The following LGALS3BP variants were observed in gnomAD, a reference collection of about 807,000 sequenced individuals.
The protein encoded by LGALS3BP is galectin-3-binding protein.
A neutral mutation model predicts 22.9 loss-of-function variants in LGALS3BP; 25 were observed. That is an observed-to-expected ratio of 1.09 (90% CI 0.80 to 1.53). The LOEUF (loss-of-function observed/expected upper bound fraction) is 1.53, where lower values mean the gene tolerates loss of function less well. LGALS3BP is among the 40% of genes most tolerant of loss of function. The probability of loss-of-function intolerance (pLI) is 0.00; values close to 1 mark genes in which losing one functional copy is unlikely to be tolerated. For synonymous variants in LGALS3BP, 335 were observed against 331.1 expected (o/e 1.01, Z -0.13); for missense variants, 718 against 752.0 (o/e 0.95, Z 0.53).
chr17:78,971,441 C>G lies in LGALS3BP; in HGVS notation c.*135G>C. ...CTTCCAGTAATTTCTTGAAGCTGAG[C>G]GCTCAGGTGAGTAGGGCGACATCTG... On this transcript the variant is annotated 3_prime_UTR_variant, in exon 6 of 6. Coordinates refer to ENST00000262776, the MANE Select transcript of LGALS3BP (RefSeq NM_005567.4). This position sits in a 1 kb window ranked among gnomAD's most constrained non-coding sequence, Gnocchi z 5.6. 6.6e-6 allele frequency: 5 copies of G among 759,850 alleles called. No individual in the cohort carries two copies. In the South Asian group the frequency reaches 9.5e-5, roughly 14 times the overall value. 47.1% of individuals were successfully genotyped at this position (759,850 alleles called of 1,614,324 possible).
At chr17:78,975,791 C>CAAAAAA (rs60470107) in intron 3 of LGALS3BP, among the ~76,000 whole-genome samples, 174 bp downstream of exon 3, 6 of 52,248 alleles carry the variant, frequency 1.1e-4, no homozygotes, top group South Asian at 1.1e-3. Flanking sequence ...GACTCCATCT[C>CAAAAAA]AAAAAAAAAA....
rs1288110430 is a variant in LGALS3BP, at chr17:78,972,268, G to T, written c.1066C>A (p.Leu356Ile). ...IRFPMMLPEE[L>I]FELQFNLSLY... ...GACAGGTTGAACTGCAGCTCAAAGA[G>T]CTCCTCAGGGAGCATCATGGGGAAG... Residue 356 changes from leucine (L) to isoleucine (I), a missense_variant, in exon 6 of 6, where the codon CTC (leucine) becomes ATC (isoleucine). Leu to Ile is a conservative substitution (Grantham distance 5). Coordinates refer to ENST00000262776, the MANE Select transcript of LGALS3BP (RefSeq NM_005567.4). The surrounding 1 kb of genome is among the most constrained non-coding windows in gnomAD (Gnocchi z 5.1). 1 of 1,613,584 alleles carries T rather than the reference G, an allele frequency of 6.2e-7. No homozygotes were observed. Among genetic ancestry groups the T allele is most frequent in the Non-Finnish European group, 8.5e-7 (1 of 1,179,888 alleles).
rs2070667261 is a variant in LGALS3BP, at chr17:78,971,291, G to C, written c.*285C>G. On this transcript the variant is annotated 3_prime_UTR_variant, in exon 6 of 6. Coordinates refer to ENST00000262776, the MANE Select transcript of LGALS3BP (RefSeq NM_005567.4). The surrounding 1 kb of genome is among the most constrained non-coding windows in gnomAD (Gnocchi z 5.6). ...ATGTAATTTTAATGACCTCAGACCA[G>C]TGACAAGGGCAGACTGACCAGGGGC... is the stretch of plus-strand genomic sequence containing the variant. 2.1e-6 allele frequency: 1 copy of C among 480,098 alleles called. No individual in the cohort carries two copies. The highest frequency in any genetic ancestry group is 1.9e-5 in the African/African-American group (1 of 51,908). 29.7% of individuals were successfully genotyped at this position (480,098 alleles called of 1,614,324 possible).
chr17:78,976,135 C>G lies in LGALS3BP; in HGVS notation c.74G>C (p.Arg25Pro). The change falls in exon 3 of 6, where the codon CGG (arginine) becomes CCG (proline). Residue 25 changes from arginine (R) to proline (P), a missense_variant. Arg to Pro is a moderately radical substitution (Grantham distance 103). Transcript: ENST00000262776. This position sits in a 1 kb window ranked among gnomAD's most constrained non-coding sequence, Gnocchi z 4.6. ...GTTGGTGGCGCCCCCATCGGCCAGC[C>G]GCATGTCACCATCGTTCACGCCTGC... is the stretch of plus-strand genomic sequence containing the variant. ...GTQGVNDGDMRLADGGATNQG... is the reference protein window; with the variant it reads ...GTQGVNDGDMPLADGGATNQG... 6.3e-7 allele frequency: 1 copy of G among 1,587,778 alleles called. No individual in the cohort carries two copies. The highest frequency in any genetic ancestry group is 2.3e-5 in the East Asian group (1 of 43,316).
chr17:78,978,338 C>T (rs997050412), intron 1 of LGALS3BP, among the ~76,000 whole-genome samples: 8 of 152,344 alleles, frequency 5.3e-5, no homozygotes, highest in African/African-American at 1.4e-4. Context: ...CTCTGGGACT[C>T]GTGCTCGCTG....
rs928909488 is a variant in LGALS3BP at position 78,973,696 on chromosome 17, G to C, written c.377-474C>G. ...CCTGTCGGGGAGAAGGCCTGCAGAA[G>C]TCATGGGAGGCTCCCGGCTCGGGGG... On this transcript the variant is annotated intron_variant, in intron 4 of 5. Coordinates refer to ENST00000262776, the MANE Select transcript of LGALS3BP (RefSeq NM_005567.4). The surrounding 1 kb of genome is among the most constrained non-coding windows in gnomAD (Gnocchi z 5.8). Among the ~76,000 whole-genome samples, 2 of 152,238 alleles carry C rather than the reference G, an allele frequency of 1.3e-5. No individual in the cohort carries two copies. The highest frequency in any genetic ancestry group is 4.8e-5 in the African/African-American group (2 of 41,464).
chr17:78,974,627 C>A, intron 4 of LGALS3BP, 61 bp downstream of exon 4: 17 of 1,564,638 alleles, frequency 1.1e-5, no homozygotes, highest in Non-Finnish European at 1.5e-5. Context: ...CTGGGAGGGG[C>A]AGGGGCCACG....
In LGALS3BP at chr17:78,976,131, C is replaced by T. The variant is rs1426039671; in HGVS notation, c.78G>A (p.Leu26=). 1.3e-6 allele frequency: 2 copies of T among 1,590,006 alleles called. No individual in the cohort carries two copies. The highest frequency in any genetic ancestry group is 3.5e-5 in the Admixed American group (2 of 56,736). ...CCTGGTTGGTGGCGCCCCCATCGGC[C>T]AGCCGCATGTCACCATCGTTCACGC... ...TQGVNDGDMR[L]ADGGATNQGR... Residue 26 remains leucine (L), a synonymous_variant, in exon 3 of 6, where the codon CTG becomes CTA. Transcript: ENST00000262776. The surrounding 1 kb of genome is among the most constrained non-coding windows in gnomAD (Gnocchi z 4.6).
Position 78,972,334 on chromosome 17 carries a change from C to T in LGALS3BP, c.1000G>A (p.Ala334Thr), listed in dbSNP as rs778757224. The T allele has an allele frequency of 2.5e-6, 4 of 1,613,370 alleles. No individual in the cohort carries two copies. Among genetic ancestry groups the T allele is most frequent in the African/African-American group, 2.7e-5 (2 of 74,934 alleles). ...AVDTWSWGER[A>T]SHEEVEGLVE... Reference sequence around the variant, plus strand: ...AAGCCCTCCACCTCCTCATGGGAGGCACGCTCCCCCCAGCTCCAGGTGTCC... The same window carrying T: ...AAGCCCTCCACCTCCTCATGGGAGGTACGCTCCCCCCAGCTCCAGGTGTCC... The change falls in exon 6 of 6, where the codon GCC becomes ACC. Residue 334 changes from alanine to threonine, a missense_variant. By Grantham distance (58) the Ala-to-Thr change is moderately conservative. Coordinates refer to ENST00000262776, the MANE Select transcript of LGALS3BP (RefSeq NM_005567.4). This position sits in a 1 kb window ranked among gnomAD's most constrained non-coding sequence, Gnocchi z 5.1.
At chr17:78,975,888 C>T in intron 3 of LGALS3BP, 77 bp downstream of exon 3, 1 of 917,558 alleles carries the variant, frequency 1.1e-6, no homozygotes, top group Non-Finnish European at 1.5e-6. Context: ...ACTGTTTCGT[C>T]TTAGGGGATT....
Position 78,971,796 on chromosome 17 carries a change from T to C in LGALS3BP, c.1538A>G (p.Asp513Gly). The C allele has an allele frequency of 1.2e-6, 2 of 1,614,068 alleles. No individual in the cohort carries two copies. The highest frequency in any genetic ancestry group is 1.7e-6 in the Non-Finnish European group (2 of 1,180,030). ...VLGLTKSGGS[D>G]RTIAYENKAL... ...TTTGTTTTCGTAGGCAATGGTGCGA[T>C]CTGAGCCGCCAGACTTGGTGAGGCC... The change falls in exon 6 of 6, where the codon GAT becomes GGT. Residue 513 changes from aspartate (D) to glycine (G), a missense_variant. Transcript: ENST00000262776. This position sits in a 1 kb window ranked among gnomAD's most constrained non-coding sequence, Gnocchi z 5.6.
chr17:78,972,778 C>T lies in LGALS3BP; in HGVS notation c.630-74G>A, dbSNP rs1323201463. The T allele has an allele frequency of 4.7e-6, 7 of 1,491,790 alleles. No individual in the cohort carries two copies. In the Admixed American group the frequency reaches 1.2e-4, roughly 25 times the overall value. The allele number at this position is 1,491,790 out of a possible 1,614,324, so 92.4% of individuals were successfully genotyped here. The stretch of plus-strand genomic sequence containing the variant: ...GAGCCCTGGGCCCAACTGTCCAACA[C>T]AGCCACCTGAGTGCACACAGTGTGG... On this transcript the variant is annotated intron_variant, in intron 5 of 5. Transcript: ENST00000262776. This position sits in a 1 kb window ranked among gnomAD's most constrained non-coding sequence, Gnocchi z 5.1.
At position 78,972,739 on chromosome 17, in the gene LGALS3BP, A is replaced by C. The variant is rs1360731933; in HGVS notation, c.630-35T>G. Reference sequence around the variant, plus strand: ...AAGAAGGAGAGCAGATGCCGGCCCCACAGGACAGCAGGGGAGCCCTGGGCC... The same window carrying C: ...AAGAAGGAGAGCAGATGCCGGCCCCCCAGGACAGCAGGGGAGCCCTGGGCC... On this transcript the variant is annotated intron_variant, in intron 5 of 5. Transcript: ENST00000262776. This position sits in a 1 kb window ranked among gnomAD's most constrained non-coding sequence, Gnocchi z 5.1. The C allele has an allele frequency of 6.6e-7, 1 of 1,513,294 alleles. No homozygotes were observed. The highest frequency in any genetic ancestry group is 8.8e-7 in the Non-Finnish European group (1 of 1,132,084). The allele number at this position is 1,513,294 out of a possible 1,614,324, so 93.7% of individuals were successfully genotyped here. A position where few individuals can be genotyped will look rare whatever the true frequency, so the allele number is the denominator to read the frequency against.
rs1822195749 is a variant in LGALS3BP, at chr17:78,971,315, G to A, written c.*261C>T. On this transcript the variant is annotated 3_prime_UTR_variant, in exon 6 of 6. Transcript: ENST00000262776. This position sits in a 1 kb window ranked among gnomAD's most constrained non-coding sequence, Gnocchi z 5.6. ...AGTGACAAGGGCAGACTGACCAGGG[G>A]CTGTGGGGGGATCCCAGAGCAACCT... 5 of 535,838 alleles carry A rather than the reference G, an allele frequency of 9.3e-6. No individual in the cohort carries two copies. In the East Asian group the frequency reaches 9.4e-5, roughly 10 times the overall value. 33.2% of individuals were successfully genotyped at this position (535,838 alleles called of 1,614,324 possible). A position where few individuals can be genotyped will look rare whatever the true frequency, so the allele number is the denominator to read the frequency against.
At chr17:78,975,602 C>T (rs1327342787) in intron 3 of LGALS3BP, among the ~76,000 whole-genome samples, 1 of 151,834 alleles carries the variant, frequency 6.6e-6, no homozygotes, top group Non-Finnish European at 1.5e-5. Context: ...ACCAGCCTGG[C>T]CAACATGGTG....
At chr17:78,979,054 ACT>A (rs1358287746) in intron 1 of LGALS3BP, among the ~76,000 whole-genome samples, 10 of 96,460 alleles carry the variant, frequency 1.0e-4, no homozygotes, top group Non-Finnish European at 2.1e-4. Context: ...ACAGAGCAAG[ACT>A]CTGTCTCAAA....
chr17:78,972,706 T>C lies in LGALS3BP; in HGVS notation c.630-2A>G. The C allele has an allele frequency of 6.6e-7, 1 of 1,515,808 alleles. No homozygotes were observed. The highest frequency in any genetic ancestry group is 8.8e-7 in the Non-Finnish European group (1 of 1,132,600). The allele number at this position is 1,515,808 out of a possible 1,614,324, so 93.9% of individuals were successfully genotyped here. A position where few individuals can be genotyped will look rare whatever the true frequency, so the allele number is the denominator to read the frequency against. ...TCAATCCTTCGGGAGTAGAAGTACC[T>C]GGGGAGAAAGAAGGAGAGCAGATGC... On this transcript the variant is annotated splice_acceptor_variant, in intron 5 of 5. Coordinates refer to ENST00000262776, the MANE Select transcript of LGALS3BP (RefSeq NM_005567.4). LOFTEE classifies it high-confidence loss of function. The surrounding 1 kb of genome is among the most constrained non-coding windows in gnomAD (Gnocchi z 5.1).
rs1336249079 is a variant in LGALS3BP, at chr17:78,976,098, C to T, written c.111G>A (p.Val37=). Residue 37 remains valine, a synonymous_variant, in exon 3 of 6, where the codon GTG becomes GTA. Transcript: ENST00000262776. The surrounding 1 kb of genome is among the most constrained non-coding windows in gnomAD (Gnocchi z 4.6). The part of the protein sequence containing the change: ...ADGGATNQGR[V]EIFYRGQWGT... ...CCCACTGGCCTCTGTAGAAGATCTC[C>T]ACGCGGCCCTGGTTGGTGGCGCCCC... 1 of 1,605,638 alleles carries T rather than the reference C, an allele frequency of 6.2e-7. No homozygotes were observed. The highest frequency in any genetic ancestry group is 1.1e-5 in the South Asian group (1 of 89,556).
Position 78,976,489 on chromosome 17 carries a change from G to A in LGALS3BP, c.53-333C>T, listed in dbSNP as rs539163430. Among the ~76,000 whole-genome samples, 60 of 152,308 alleles carry A rather than the reference G, an allele frequency of 3.9e-4. No homozygotes were observed. The South Asian group carries it at 0.012, about 29-fold the overall frequency. ...CCTGAGGGAAGGATAGGAGGGGAACGGAGGCCCCGTGCTGACCCGCCCTGC... is the reference window on the plus strand; with the variant it reads ...CCTGAGGGAAGGATAGGAGGGGAACAGAGGCCCCGTGCTGACCCGCCCTGC... On this transcript the variant is annotated intron_variant, in intron 2 of 5. Coordinates refer to ENST00000262776, the MANE Select transcript of LGALS3BP (RefSeq NM_005567.4). This position sits in a 1 kb window ranked among gnomAD's most constrained non-coding sequence, Gnocchi z 4.6.
Sources: allele counts gnomAD v4.1 joint callset (sites outside exome capture counted in the v4.1 genomes callset), GRCh38; gene constraint gnomAD v4.1.1; non-coding constraint Gnocchi (gnomAD v3.1); transcripts MANE v1.5; gene names NCBI Gene and HGNC (gene_info 2026-07-23, HGNC 2026-07-21).